The following CCDC148 variants were observed in gnomAD, a reference collection of about 807,000 sequenced individuals.
CCDC148 encodes coiled-coil domain containing 148.
In CCDC148, 89 loss-of-function variants were observed where a neutral mutation model predicts 85.7. That is an observed-to-expected ratio of 1.04 (90% CI 0.87 to 1.24). CCDC148 has a LOEUF of 1.24. CCDC148 is among the 50% of genes most tolerant of loss of function. The probability of loss-of-function intolerance (pLI) is 0.00; values close to 1 mark genes in which losing one functional copy is unlikely to be tolerated. For synonymous variants in CCDC148, 230 were observed against 213.9 expected, an observed-to-expected ratio of 1.08 and a Z score of -0.66; for missense variants, 692 against 671.7, an observed-to-expected ratio of 1.03 and a Z score of -0.33.
chr2:158,345,406 G>T lies in CCDC148; in HGVS notation c.148-88C>A. The T allele has an allele frequency of 6.2e-6, 5 of 812,796 alleles. No homozygotes were observed. The East Asian group carries it at 1.4e-4, about 22-fold the overall frequency. 50.3% of individuals were successfully genotyped at this position (812,796 alleles called of 1,614,324 possible). A position where few individuals can be genotyped will look rare whatever the true frequency, so the allele number is the denominator to read the frequency against. On this transcript the variant is annotated intron_variant, in intron 2 of 13. Transcript: ENST00000283233. ...GAAATGCTTAATCTGAATTTTCTAA[G>T]TTAAATAGTTTCTCTTTTAAAATTC...
chr2:158,338,447 T>C lies in CCDC148; in HGVS notation c.764+279A>G, dbSNP rs1682500905. On this transcript the variant is annotated intron_variant, in intron 7 of 13. Coordinates refer to ENST00000283233, the MANE Select transcript of CCDC148 (RefSeq NM_138803.4). The stretch of plus-strand genomic sequence containing the variant: ...AAAGAAAAGTTGTGGTTACTGAAAA[T>C]TCATATTTGAAAACTATTTCTTACC... The C allele has an allele frequency of 1.3e-5, 3 of 224,070 alleles. No homozygotes were observed. In the Admixed American group the frequency reaches 1.7e-4, roughly 13 times the overall value. The allele number at this position is 224,070 out of a possible 1,614,324, so 13.9% of individuals were successfully genotyped here. A position where few individuals can be genotyped will look rare whatever the true frequency, so the allele number is the denominator to read the frequency against.
chr2:158,311,030 CG>C (rs377306826), intron 8 of CCDC148, among the ~76,000 whole-genome samples: 15 of 151,818 alleles, frequency 9.9e-5, no homozygotes, highest in African/African-American at 3.4e-4. Flanking sequence ...TCCCAGAAGA[CG>C]GGTGGCCAGG....
chr2:158,246,081 G>A (rs1225078626), intron 10 of CCDC148, among the ~76,000 whole-genome samples: 1 of 152,196 alleles, frequency 6.6e-6, no homozygotes, highest in African/African-American at 2.4e-5. Context: ...TTGCTGGAAA[G>A]AAGAATTAGG....
At chr2:158,447,800 C>T (rs1489323255) in intron 1 of CCDC148, among the ~76,000 whole-genome samples, 2 of 152,072 alleles carry the variant, frequency 1.3e-5, no homozygotes, top group East Asian at 3.9e-4. Flanking sequence ...AGTACTTTAT[C>T]AGATATTTGA....
chr2:158,190,721 G>C (rs990593629), intron 11 of CCDC148, among the ~76,000 whole-genome samples: 5 of 151,902 alleles, frequency 3.3e-5, no homozygotes, highest in Non-Finnish European at 5.9e-5. Flanking sequence ...TTTTGTTGAG[G>C]GTTTACCTCA....
intron 1 of CCDC148, among the ~76,000 whole-genome samples, chr2:158,386,483 A>C (rs1227970314): frequency 6.6e-6 from 1 of 152,148 alleles, no homozygotes; most frequent in Non-Finnish European, 1.5e-5. Flanking sequence ...GTTGCAATGC[A>C]GATTAATTTT....
rs1686572476 is a variant in CCDC148, at chr2:158,417,826, GTAGAT to G, written c.25+38584_25+38588del. On this transcript the variant is annotated intron_variant, in intron 1 of 13. Coordinates refer to ENST00000283233, the MANE Select transcript of CCDC148 (RefSeq NM_138803.4). ...ATTAGTGGAACCCTGAAGTTCATTT[GTAGAT>G]CCCCCTGAGGCATAAAGACATCAGG... is the stretch of plus-strand genomic sequence containing the variant. 2.6e-5 allele frequency among the ~76,000 whole-genome samples: 4 copies of G among 152,220 alleles called. No homozygotes were observed. The South Asian group carries it at 8.3e-4, about 32-fold the overall frequency.
chr2:158,318,029 C>G (rs374572394), intron 7 of CCDC148, among the ~76,000 whole-genome samples: 1 of 152,190 alleles, frequency 6.6e-6, no homozygotes. Flanking sequence ...TGCATCGGGT[C>G]TGACCCTCTG....
chr2:158,229,657 G>A (rs1208721911), intron 10 of CCDC148, among the ~76,000 whole-genome samples: 1 of 152,086 alleles, frequency 6.6e-6, no homozygotes, highest in Non-Finnish European at 1.5e-5. Flanking sequence ...AGAAGAAGAG[G>A]TATTTTTCCT....
At chr2:158,351,171 C>T (rs921249517) in intron 2 of CCDC148, among the ~76,000 whole-genome samples, 1 of 152,186 alleles carries the variant, frequency 6.6e-6, no homozygotes, top group African/African-American at 2.4e-5. Context: ...TTGATAAACA[C>T]TGACTCCTCT....
intron 1 of CCDC148, among the ~76,000 whole-genome samples, chr2:158,429,360 AATAGATAGATAG>A (rs10664791): frequency 7.1e-4 from 106 of 149,730 alleles, no homozygotes; most frequent in South Asian, 8.6e-4. Flanking sequence ...AAAGAGCATG[AATAGATAGATAG>A]ATAGATAGAT....
chr2:158,425,018 A>G, intron 1 of CCDC148: 1 of 409,138 alleles, frequency 2.4e-6, no homozygotes, highest in Non-Finnish European at 4.9e-6. Context: ...AAGGAAGAAC[A>G]GGTGCTGCAA....
At chr2:158,311,289 G>A (rs1691999189) in intron 8 of CCDC148, among the ~76,000 whole-genome samples, 1 of 152,236 alleles carries the variant, frequency 6.6e-6, no homozygotes, top group African/African-American at 2.4e-5. Flanking sequence ...GGCCAACACG[G>A]CGAAACCCCG....
At position 158,204,671 on chromosome 2, in the gene CCDC148, A is replaced by G. The variant is rs151191147; in HGVS notation, c.1370+15924T>C. Among the ~76,000 whole-genome samples, 368 of 152,280 alleles carry G rather than the reference A, an allele frequency of 2.4e-3. 4 individuals carry two copies. In the East Asian group the frequency reaches 0.025, roughly 10 times the overall value. ...TTCAAGTCCTCCAAGCTCAAACTCCAGAAATTATGAAGCAGAGAAAAACCA... is the reference window on the plus strand; with the variant it reads ...TTCAAGTCCTCCAAGCTCAAACTCCGGAAATTATGAAGCAGAGAAAAACCA... On this transcript the variant is annotated intron_variant, in intron 11 of 13. Transcript: ENST00000283233.
chr2:158,380,680 AGAGTAAAGCTGGAG>A (rs1338430398), intron 1 of CCDC148: 5 of 152,194 alleles, frequency 3.3e-5, no homozygotes, highest in Middle Eastern at 3.2e-3. Context: ...CTTGATGAAA[AGAGTAAAGCTGGAG>A]GATTTATAGT....
intron 9 of CCDC148, among the ~76,000 whole-genome samples, chr2:158,275,403 T>C (rs149661269): frequency 6.6e-6 from 1 of 152,348 alleles, no homozygotes; most frequent in Non-Finnish European, 1.5e-5. Context: ...GACAATATAA[T>C]AGGTTTCCAT....
chr2:158,424,058 G>C (rs887993529), intron 1 of CCDC148, among the ~76,000 whole-genome samples: 12 of 152,036 alleles, frequency 7.9e-5, no homozygotes, highest in Admixed American at 1.3e-4. Context: ...ATTAAAAAGT[G>C]AGGAAACAAC....
intron 1 of CCDC148, among the ~76,000 whole-genome samples, chr2:158,447,004 A>G (rs1477406232): frequency 1.3e-5 from 2 of 152,138 alleles, no homozygotes; most frequent in Non-Finnish European, 2.9e-5. Context: ...GTCAATCATC[A>G]GGTGATATTT....
chr2:158,302,946 T>C (rs1277668699), intron 9 of CCDC148, among the ~76,000 whole-genome samples: 5 of 151,984 alleles, frequency 3.3e-5, no homozygotes, highest in Non-Finnish European at 7.4e-5. Flanking sequence ...GAGCAGGAGA[T>C]TGAGAGCTCT....
Sources: allele counts gnomAD v4.1 joint callset (sites outside exome capture counted in the v4.1 genomes callset), GRCh38; gene constraint gnomAD v4.1.1; transcripts MANE v1.5; gene names NCBI Gene and HGNC (gene_info 2026-07-23, HGNC 2026-07-21).